Variants in CCDC141 observed in about 807,000 individuals in gnomAD.
The protein encoded by CCDC141 is coiled-coil domain containing 141, also known as coiled-coil domain-containing protein 141.
A neutral mutation model predicts 181.0 loss-of-function variants in CCDC141; 168 were observed. The observed-to-expected ratio is 0.93, with a 90% CI of 0.82 to 1.05. CCDC141 has a LOEUF of 1.05. CCDC141 is among the 50% of genes least tolerant of loss of function. The pLI, the probability that CCDC141 is intolerant of heterozygous loss-of-function variation, is 0.00. For synonymous variants in CCDC141, 666 were observed against 642.3 expected (o/e 1.04, Z -0.56); for missense variants, 1,902 against 1,788.5 (o/e 1.06, Z -1.14).
intron 2 of CCDC141, among the ~76,000 whole-genome samples, chr2:179,011,401 C>A (rs1234743698): frequency 2.6e-5 from 4 of 152,092 alleles, no homozygotes; most frequent in Non-Finnish European, 5.9e-5. Flanking sequence ...TGGTAAAAGA[C>A]CTTGTCCAAC....
chr2:179,046,672 C>T (rs760418767), intron 2 of CCDC141, among the ~76,000 whole-genome samples: 2 of 152,172 alleles, frequency 1.3e-5, no homozygotes, highest in Non-Finnish European at 2.9e-5. Flanking sequence ...GAACAAATGG[C>T]CCCAAATTTG....
chr2:178,841,353 T>C (rs886738310), intron 22 of CCDC141, among the ~76,000 whole-genome samples: 2 of 152,218 alleles, frequency 1.3e-5, no homozygotes, highest in African/African-American at 2.4e-5. Flanking sequence ...GAAACCATAA[T>C]AAATTATGCC....
chr2:179,020,263 T>C (rs1423663873), intron 2 of CCDC141, among the ~76,000 whole-genome samples: 1 of 152,076 alleles, frequency 6.6e-6, no homozygotes, highest in Non-Finnish European at 1.5e-5. Context: ...CCTAAATATT[T>C]TCCTACTCTT....
At chr2:178,897,758 G>A (rs555673935) in intron 8 of CCDC141, among the ~76,000 whole-genome samples, 6 of 152,086 alleles carry the variant, frequency 3.9e-5, no homozygotes, top group Admixed American at 3.3e-4. Flanking sequence ...CTGGGTTTTT[G>A]TATGTTTTTG....
In CCDC141 at chr2:178,833,419, A is replaced by G. The variant is rs1294892185; in HGVS notation, c.*754T>C. 2 of 152,200 alleles carry G rather than the reference A, an allele frequency of 1.3e-5. No homozygotes were observed. The highest frequency in any genetic ancestry group is 2.1e-4 in the South Asian group (1 of 4,824). 9.4% of individuals were successfully genotyped at this position (152,200 alleles called of 1,614,324 possible). A position where few individuals can be genotyped will look rare whatever the true frequency, so the allele number is the denominator to read the frequency against. On this transcript the variant is annotated 3_prime_UTR_variant, in exon 24 of 24. Coordinates refer to ENST00000443758, the MANE Select transcript of CCDC141 (RefSeq NM_173648.4). Reference sequence around the variant, plus strand: ...TGGTCATCAGCAGAATCAAGATTAGAAGCAGAAACACCTGGTTACACATTG... The same window carrying G: ...TGGTCATCAGCAGAATCAAGATTAGGAGCAGAAACACCTGGTTACACATTG...
intron 2 of CCDC141, among the ~76,000 whole-genome samples, chr2:179,025,629 A>G (rs2042822138): frequency 6.6e-6 from 1 of 152,202 alleles, no homozygotes; most frequent in South Asian, 2.1e-4. Flanking sequence ...ATGGACTAAT[A>G]CAGTAAATTG....
At chr2:178,817,396 G>C in the CCDC141 span, 2 of 415,922 alleles carry the variant, frequency 4.8e-6, no homozygotes, top group South Asian at 3.6e-5. Flanking sequence ...AACTACTGTT[G>C]GTTTAGGACA....
chr2:178,865,809 G>A lies in CCDC141; in HGVS notation c.2682C>T (p.Ser894=), dbSNP rs749389399. ...AKAEEYGRTL[S]RSVEYCAMRD... ...TCATGGCGCAGTACTCCACACTACGGGACAGGGTCCGTCCATACTCCTCAG... is the reference window on the plus strand; with the variant it reads ...TCATGGCGCAGTACTCCACACTACGAGACAGGGTCCGTCCATACTCCTCAG... The change falls in exon 17 of 24, where the codon TCC becomes TCT. Residue 894 remains serine, a synonymous_variant. Transcript: ENST00000443758. 1 of 1,603,908 alleles carries A rather than the reference G, an allele frequency of 6.2e-7. No individual in the cohort carries two copies. Among genetic ancestry groups the A allele is most frequent in the Non-Finnish European group, 8.5e-7 (1 of 1,175,078 alleles).
intron 4 of CCDC141, among the ~76,000 whole-genome samples, chr2:178,973,928 G>T (rs1691009765): frequency 1.3e-5 from 2 of 152,032 alleles, no homozygotes; most frequent in Admixed American, 6.6e-5. Flanking sequence ...TATAATAATG[G>T]GCAACTGTTG....
chr2:179,004,442 G>A (rs77410820), intron 2 of CCDC141, among the ~76,000 whole-genome samples: 1,841 of 152,170 alleles, frequency 0.012, 29 homozygotes, highest in African/African-American at 0.041. Flanking sequence ...AATAATAGTC[G>A]TTTGCTGATA....
At chr2:178,826,797 G>T (rs150141551), downstream of CCDC141, among the ~76,000 whole-genome samples, 381 of 151,964 alleles carry the variant, frequency 2.5e-3, no homozygotes, top group Middle Eastern at 0.027. Context: ...TTATTGATCT[G>T]CTCAGAGAAC....
intron 2 of CCDC141, among the ~76,000 whole-genome samples, chr2:179,034,634 T>G (rs779116533): frequency 1.3e-5 from 2 of 152,214 alleles, no homozygotes; most frequent in African/African-American, 2.4e-5. Context: ...GCATTTTACA[T>G]TTGAATGCTT....
At position 178,888,598 on chromosome 2, in the gene CCDC141, A is replaced by G; in HGVS notation, c.1336T>C (p.Cys446Arg). The G allele has an allele frequency of 6.4e-7, 1 of 1,550,748 alleles. No individual in the cohort carries two copies. Among genetic ancestry groups the G allele is most frequent in the Non-Finnish European group, 8.7e-7 (1 of 1,146,914 alleles). Residue 446 changes from cysteine to arginine, a missense_variant, in exon 9 of 24, where the codon TGT becomes CGT. Coordinates refer to ENST00000443758, the MANE Select transcript of CCDC141 (RefSeq NM_173648.4). ...AGAGCATATTCCTTGTGCGCTGAAC[A>G]CTGTTCGGTCAGATGATCCACTCGT... is the stretch of plus-strand genomic sequence containing the variant. ...KRRVDHLTEQ[C>R]SAHKEYALKK...
chr2:178,884,793 G>T, intron 11 of CCDC141, 108 bp downstream of exon 11: 1 of 759,650 alleles, frequency 1.3e-6, no homozygotes, highest in Non-Finnish European at 2.1e-6. Context: ...CACGCACAGG[G>T]GTAGAGGATA....
chr2:179,030,647 C>T (rs1316169783), intron 2 of CCDC141, among the ~76,000 whole-genome samples: 1 of 151,944 alleles, frequency 6.6e-6, no homozygotes, highest in Non-Finnish European at 1.5e-5. Context: ...ATAATTCATT[C>T]ATTTTAAAGA....
At chr2:178,884,064 T>G (rs1379581682) in intron 11 of CCDC141, among the ~76,000 whole-genome samples, 2 of 152,198 alleles carry the variant, frequency 1.3e-5, no homozygotes, top group African/African-American at 4.8e-5. Context: ...TTGAAATAAT[T>G]TTGTTGTATG....
At chr2:178,841,388 A>G (rs1408585741) in intron 22 of CCDC141, among the ~76,000 whole-genome samples, 1 of 152,198 alleles carries the variant, frequency 6.6e-6, no homozygotes, top group Non-Finnish European at 1.5e-5. Context: ...AGAATTACTC[A>G]TTAAATAATC....
intron 17 of CCDC141, among the ~76,000 whole-genome samples, chr2:178,863,801 G>T (rs1685721100): frequency 6.6e-6 from 1 of 152,194 alleles, no homozygotes; most frequent in Non-Finnish European, 1.5e-5. Flanking sequence ...GGAAGCAAAT[G>T]GGAAGAATAT....
the CCDC141 span, among the ~76,000 whole-genome samples, chr2:178,823,964 G>A: frequency 1.1e-3 from 163 of 151,852 alleles, no homozygotes; most frequent in African/African-American, 3.3e-3. Context: ...TGGCACTGGC[G>A]CCATTAGCAT....
Sources: allele counts gnomAD v4.1 joint callset (sites outside exome capture counted in the v4.1 genomes callset), GRCh38; gene constraint gnomAD v4.1.1; transcripts MANE v1.5; gene names NCBI Gene and HGNC (gene_info 2026-07-23, HGNC 2026-07-21).